The following SEPTIN6 variants were observed in gnomAD, a reference collection of about 807,000 sequenced individuals.
SEPTIN6 encodes the protein septin-6.
A neutral mutation model predicts 33.6 loss-of-function variants in SEPTIN6; 8 were observed. That is an observed-to-expected ratio of 0.24 (90% CI 0.14 to 0.43). SEPTIN6 has a LOEUF of 0.43. Ranked by LOEUF, SEPTIN6 falls within the 20% of genes least tolerant of loss-of-function variation. The pLI, the probability that SEPTIN6 is intolerant of heterozygous loss-of-function variation, is 1.00. For synonymous variants in SEPTIN6, 131 were observed against 140.0 expected (o/e 0.94, Z 0.45); for missense variants, 250 against 340.8 (o/e 0.73, Z 2.10).
intron 10 of SEPTIN6, among the ~76,000 whole-genome samples, chrX:119,621,975 T>C (rs1241995846): frequency 1.8e-5 from 2 of 109,626 alleles, no homozygotes; most frequent in African/African-American, 6.7e-5. Flanking sequence ...GATTATTCCT[T>C]CTCTACCTCA....
At position 119,619,381 on chromosome X, in the gene SEPTIN6, G is replaced by C; in HGVS notation, c.*712C>G. 1 of 813,110 alleles carries C rather than the reference G, an allele frequency of 1.2e-6. No homozygotes were observed. Among genetic ancestry groups the C allele is most frequent in the Non-Finnish European group, 1.5e-6 (1 of 676,408 alleles). The allele number at this position is 813,110 out of a possible 1,213,427, so 67.0% of individuals were successfully genotyped here. ...TCTGTGGGATACCCAGAGTTAGAGA[G>C]AGGGGAAACGTCTGCTATTTTCTTC... On this transcript the variant is annotated 3_prime_UTR_variant, in exon 11 of 11. Transcript: ENST00000394610.
At chrX:119,642,232 T>C (rs1296846426) in intron 5 of SEPTIN6, among the ~76,000 whole-genome samples, 1 of 107,245 alleles carries the variant, frequency 9.3e-6, no homozygotes, top group East Asian at 2.9e-4. Flanking sequence ...GCTAAAGGGC[T>C]GGAGTAACAC....
rs2147425781 is a variant in SEPTIN6, at chrX:119,619,280, A to G, written c.*813T>C. The G allele has an allele frequency of 1.2e-6, 1 of 813,213 alleles. No individual in the cohort carries two copies. The highest frequency in any genetic ancestry group is 6.6e-5 in the South Asian group (1 of 15,063). 67.0% of individuals were successfully genotyped at this position (813,213 alleles called of 1,213,427 possible). On this transcript the variant is annotated 3_prime_UTR_variant, in exon 11 of 11. Coordinates refer to ENST00000394610, the MANE Select transcript of SEPTIN6 (RefSeq NM_145799.4). ...ACCCCCCGAGATGCTGAAATACCTC[A>G]CAAGAAGAATTCGGTAAGGCTATCA...
chrX:119,620,377 GGT>G (rs2053729860), intron 10 of SEPTIN6, among the ~76,000 whole-genome samples: 1 of 102,886 alleles, frequency 9.7e-6, no homozygotes, highest in Non-Finnish European at 2.0e-5. Flanking sequence ...GGAGTGCAGT[GGT>G]GCGATCTCGG....
chrX:119,628,076 A>ACCACGC (rs1439149058), intron 9 of SEPTIN6, among the ~76,000 whole-genome samples: 4 of 107,460 alleles, frequency 3.7e-5, no homozygotes, highest in Non-Finnish European at 7.7e-5. Flanking sequence ...CTGGGATTAC[A>ACCACGC]CCACGCCCGG....
At chrX:119,626,689 A>T (rs1311177833) in intron 9 of SEPTIN6, among the ~76,000 whole-genome samples, 1 of 110,264 alleles carries the variant, frequency 9.1e-6, no homozygotes, top group Non-Finnish European at 1.9e-5. Flanking sequence ...ATTGGTGAAG[A>T]TGTTCTTTTT....
intron 2 of SEPTIN6, among the ~76,000 whole-genome samples, chrX:119,665,165 G>A (rs746867981): frequency 3.0e-4 from 32 of 105,124 alleles, no homozygotes; most frequent in Admixed American, 2.0e-3. Context: ...GAGCAGTGGC[G>A]CAATCTCGGC....
At chrX:119,674,837 A>G (rs1311725014) in intron 2 of SEPTIN6, among the ~76,000 whole-genome samples, 3 of 111,917 alleles carry the variant, frequency 2.7e-5, no homozygotes, top group Non-Finnish European at 5.6e-5. Flanking sequence ...CATTTCACAG[A>G]TATTACCGCA....
intron 1 of SEPTIN6, among the ~76,000 whole-genome samples, chrX:119,678,475 G>A (rs1356289138): frequency 2.8e-5 from 3 of 108,192 alleles, no homozygotes; most frequent in Non-Finnish European, 5.8e-5. Flanking sequence ...AGCCGAGATC[G>A]CGCCACTGCA....
chrX:119,657,143 T>G (rs1416338028), intron 3 of SEPTIN6, among the ~76,000 whole-genome samples: 6 of 91,132 alleles, frequency 6.6e-5, no homozygotes, highest in South Asian at 5.2e-4. Flanking sequence ...TGCTTGAACC[T>G]GGGAGGCGGA....
chrX:119,624,779 G>A (rs775949170), intron 10 of SEPTIN6, among the ~76,000 whole-genome samples: 1 of 111,019 alleles, frequency 9.0e-6, no homozygotes, highest in African/African-American at 3.3e-5. Flanking sequence ...GTGCAATCTC[G>A]GCTCACTGCA....
At chrX:119,658,041 G>A (rs187729614) in intron 3 of SEPTIN6, among the ~76,000 whole-genome samples, 56 of 111,546 alleles carry the variant, frequency 5.0e-4, no homozygotes, top group African/African-American at 1.7e-3. Flanking sequence ...GCAGGAGAAT[G>A]GCGTGAACCC....
chrX:119,658,790 T>C (rs1327904949), intron 3 of SEPTIN6, among the ~76,000 whole-genome samples: 1 of 112,494 alleles, frequency 8.9e-6, no homozygotes, highest in Non-Finnish European at 1.9e-5. Context: ...CATCATTTCA[T>C]ATGTTGATTG....
In SEPTIN6 at chrX:119,625,972, A is replaced by G. The variant is rs2053850771; in HGVS notation, c.1281-593T>C. ...ACCATTTCTGCCCTCAAAACTCACT[A>G]CCGTGACTATGGGAGGAGGGTAGCA... On this transcript the variant is annotated intron_variant, in intron 9 of 10. Transcript: ENST00000394610. Among the ~76,000 whole-genome samples, 5 of 112,141 alleles carry G rather than the reference A, an allele frequency of 4.5e-5. No individual in the cohort carries two copies. The Admixed American group carries it at 4.7e-4, about 11-fold the overall frequency.
chrX:119,664,740 T>C (rs1434217250), intron 2 of SEPTIN6, among the ~76,000 whole-genome samples: 3 of 103,564 alleles, frequency 2.9e-5, no homozygotes, highest in Non-Finnish European at 1.9e-5. Context: ...ACGGAAAGGC[T>C]GAGGCAGGAG....
chrX:119,627,943 C>T lies in SEPTIN6; in HGVS notation c.1280+1375G>A, dbSNP rs780529804. 8.5e-5 allele frequency among the ~76,000 whole-genome samples: 9 copies of T among 106,357 alleles called. No homozygotes were observed. In the East Asian group the frequency reaches 1.8e-3, roughly 21 times the overall value. 92.4% of individuals were successfully genotyped at this position (106,357 alleles called of 115,157 possible). A position where few individuals can be genotyped will look rare whatever the true frequency, so the allele number is the denominator to read the frequency against. ...CCTCCCAAGTAGCTGGGATTACAGG[C>T]GCACGCCACCACGCCTGGCTAATTT... is the stretch of plus-strand genomic sequence containing the variant. On this transcript the variant is annotated intron_variant, in intron 9 of 10. Transcript: ENST00000394610.
intron 10 of SEPTIN6, chrX:119,624,161 TTTTTTTTGTTTG>T: frequency 9.5e-6 from 2 of 210,294 alleles, no homozygotes; most frequent in South Asian, 4.6e-5. Context: ...TTTTTTGTTT[TTTTTTTTGTTTG>T]TTTGTTTGTT....
At chrX:119,665,100 CTTCTTTTT>C (rs1165425062) in intron 2 of SEPTIN6, among the ~76,000 whole-genome samples, 3 of 103,227 alleles carry the variant, frequency 2.9e-5, no homozygotes, top group African/African-American at 1.1e-4. Context: ...TCTTCTTCTT[CTTCTTTTT>C]TTTTTTTTTT....
At chrX:119,625,159 A>C (rs1173461640) in intron 10 of SEPTIN6, among the ~76,000 whole-genome samples, 176 bp downstream of exon 10, 1 of 112,208 alleles carries the variant, frequency 8.9e-6, no homozygotes, top group Non-Finnish European at 1.9e-5. Context: ...GGCATTCCAC[A>C]TGTACACCTG....
Sources: gnomAD v4.1 joint callset for allele counts (sites outside exome capture counted in the v4.1 genomes callset) on GRCh38, gnomAD v4.1.1 for gene constraint, MANE v1.5 for transcripts, NCBI Gene and HGNC (gene_info 2026-07-23, HGNC 2026-07-21) for gene names.